NRXN1: variants seen among roughly 807,000 people sequenced by gnomAD.
The protein encoded by NRXN1 is neurexin 1, also known as neurexin-1.
A neutral mutation model predicts 150.9 loss-of-function variants in NRXN1; 39 were observed. The observed-to-expected ratio is 0.26, with a 90% confidence interval of 0.20 to 0.34. The LOEUF (loss-of-function observed/expected upper bound fraction) is 0.34, where lower values mean the gene tolerates loss of function less well. NRXN1 is among the 10% of genes least tolerant of loss of function. The pLI is 1.00. For missense variants in NRXN1, 1,815 were observed against 1,949.9 expected, an observed-to-expected ratio of 0.93 and a Z score of 1.30; for synonymous variants, 924 against 757.0, an observed-to-expected ratio of 1.22 and a Z score of -3.62.
chr2:51,014,955 G>C (rs774214555), intron 2 of NRXN1, among the ~76,000 whole-genome samples: 1 of 152,030 alleles, frequency 6.6e-6, no homozygotes, highest in East Asian at 1.9e-4. Context: ...TAGAGACAAA[G>C]AATGATTATA....
Position 50,328,509 on chromosome 2 carries a change from G to A in NRXN1, c.3365-91539C>T, listed in dbSNP as rs182269083. 4.2e-3 allele frequency among the ~76,000 whole-genome samples: 639 copies of A among 152,162 alleles called. 2 individuals are homozygous for A. The highest frequency in any genetic ancestry group is 0.015 in the African/African-American group (619 of 41,526). On this transcript the variant is annotated intron_variant, in intron 17 of 22. Coordinates refer to ENST00000401669, the MANE Select transcript of NRXN1 (RefSeq NM_001330078.2). Reference sequence around the variant, plus strand: ...CCCAGCACTTTGGGAGGCCGAAGTGGGTGAATCACGAGGTCAGGAGTTCGA... The same window carrying A: ...CCCAGCACTTTGGGAGGCCGAAGTGAGTGAATCACGAGGTCAGGAGTTCGA...
intron 17 of NRXN1, among the ~76,000 whole-genome samples, chr2:50,259,870 G>A (rs996391119): frequency 6.6e-6 from 1 of 151,754 alleles, no homozygotes; most frequent in Non-Finnish European, 1.5e-5. Context: ...TAGTTGATCT[G>A]CTTCCTCTAC....
intron 8 of NRXN1, among the ~76,000 whole-genome samples, chr2:50,581,500 G>C (rs560559378): frequency 1.3e-5 from 2 of 152,298 alleles, no homozygotes; most frequent in South Asian, 4.1e-4. Flanking sequence ...CCCAGTAAGA[G>C]ACAACTAAAA....
chr2:49,984,233 T>A (rs910572598), intron 21 of NRXN1, among the ~76,000 whole-genome samples: 3 of 152,026 alleles, frequency 2.0e-5, no homozygotes, highest in African/African-American at 7.2e-5. Context: ...TAAATGTAAT[T>A]TGAAAGATAA....
At chr2:50,385,148 G>A (rs1349129235) in intron 17 of NRXN1, among the ~76,000 whole-genome samples, 1 of 152,154 alleles carries the variant, frequency 6.6e-6, no homozygotes, top group Non-Finnish European at 1.5e-5. Context: ...CACTTTGAAT[G>A]AAAATCTTCA....
At chr2:49,996,164 C>T (rs897365218) in intron 21 of NRXN1, among the ~76,000 whole-genome samples, 2 of 152,016 alleles carry the variant, frequency 1.3e-5, no homozygotes, top group Non-Finnish European at 2.9e-5. Flanking sequence ...GTGTGAGAGT[C>T]ATGAGAAGTA....
chr2:50,003,453 G>A (rs1374697809), intron 21 of NRXN1, among the ~76,000 whole-genome samples: 2 of 152,080 alleles, frequency 1.3e-5, no homozygotes, highest in Admixed American at 6.6e-5. Context: ...GAGGAAATGA[G>A]TGTCTAATCT....
chr2:50,222,759 A>T (rs2152860051), intron 18 of NRXN1, among the ~76,000 whole-genome samples: 1 of 152,070 alleles, frequency 6.6e-6, no homozygotes, highest in East Asian at 1.9e-4. Context: ...GTTGCAGAAT[A>T]GTATGCACAT....
chr2:50,738,495 T>C (rs1480395523), intron 5 of NRXN1, among the ~76,000 whole-genome samples: 6 of 152,202 alleles, frequency 3.9e-5, no homozygotes, highest in Non-Finnish European at 8.8e-5. Flanking sequence ...AGTAACAGTA[T>C]GGAAGCTGTG....
At chr2:51,018,794 AAAT>A (rs1669134308) in intron 2 of NRXN1, among the ~76,000 whole-genome samples, 1 of 152,062 alleles carries the variant, frequency 6.6e-6, no homozygotes. Flanking sequence ...TTGTTTTCCA[AAAT>A]AATAAGTTTT....
At chr2:50,898,768 G>A (rs1264765359) in intron 5 of NRXN1, among the ~76,000 whole-genome samples, 2 of 151,742 alleles carry the variant, frequency 1.3e-5, no homozygotes, top group Admixed American at 6.6e-5. Flanking sequence ...AGTGTTGATG[G>A]ACATCATTAA....
rs879193242 is a variant in NRXN1, at chr2:50,528,545, G to GCT, written c.2374+78_2374+79dup. On this transcript the variant is annotated intron_variant, in intron 12 of 22. Transcript: ENST00000401669. Reference sequence around the variant, plus strand: ...TGAGTTTTATAAACACATTTCTCTTGCTCTCTCTCTCTCTTTTTCTTGACT... The same window carrying GCT: ...TGAGTTTTATAAACACATTTCTCTTGCTCTCTCTCTCTCTCTTTTTCTTGACT... The GCT allele has an allele frequency of 3.1e-4, 240 of 780,214 alleles. No individual in the cohort carries two copies. The East Asian group carries it at 4.0e-3, about 13-fold the overall frequency. The allele number at this position is 780,214 out of a possible 1,614,324, so 48.3% of individuals were successfully genotyped here.
intron 17 of NRXN1, among the ~76,000 whole-genome samples, chr2:50,292,511 T>C (rs2073054936): frequency 2.0e-5 from 3 of 152,168 alleles, no homozygotes; most frequent in Non-Finnish European, 2.9e-5. Context: ...CTGGTCAAAA[T>C]GAATCATTTC....
chr2:50,725,326 G>A (rs1697210445), intron 5 of NRXN1, among the ~76,000 whole-genome samples: 1 of 150,820 alleles, frequency 6.6e-6, no homozygotes, highest in South Asian at 2.1e-4. Flanking sequence ...GTTTATATGT[G>A]GAAAGTTTTC....
chr2:50,574,049 T>C (rs539482736), intron 8 of NRXN1, among the ~76,000 whole-genome samples: 5 of 152,152 alleles, frequency 3.3e-5, no homozygotes, highest in African/African-American at 1.2e-4. Context: ...ATTTAAGAAG[T>C]CTCCAACAGT....
At chr2:50,047,029 G>A (rs544600275) in intron 21 of NRXN1, among the ~76,000 whole-genome samples, 1 of 152,244 alleles carries the variant, frequency 6.6e-6, no homozygotes, top group Admixed American at 6.5e-5. Context: ...AATGTATATG[G>A]ATGCATTAAG....
chr2:50,754,886 T>C (rs866518168), intron 5 of NRXN1, among the ~76,000 whole-genome samples: 22 of 152,042 alleles, frequency 1.4e-4, no homozygotes, highest in Middle Eastern at 3.4e-3. Context: ...AAAAGTCAGA[T>C]ATTTATTGAA....
chr2:50,057,442 A>G (rs1444356863), intron 19 of NRXN1, among the ~76,000 whole-genome samples: 1 of 152,186 alleles, frequency 6.6e-6, no homozygotes, highest in African/African-American at 2.4e-5. Context: ...CCCTGATGTC[A>G]TCAGGTTACA....
chr2:50,063,531 T>G (rs910677687), intron 19 of NRXN1, among the ~76,000 whole-genome samples: 1 of 139,182 alleles, frequency 7.2e-6, no homozygotes, highest in African/African-American at 2.9e-5. Context: ...ACTCAACATC[T>G]CTGCCCACCT....
Sources: gnomAD v4.1 joint callset for allele counts (sites outside exome capture counted in the v4.1 genomes callset) on GRCh38, gnomAD v4.1.1 for gene constraint, MANE v1.5 for transcripts, NCBI Gene and HGNC (gene_info 2026-07-23, HGNC 2026-07-21) for gene names.